The following XPR1 variants were observed in gnomAD, a reference collection of about 807,000 sequenced individuals.
XPR1 encodes the protein solute carrier family 53 member 1.
A neutral mutation model predicts 87.5 loss-of-function variants in XPR1; 28 were observed. That is an observed-to-expected ratio of 0.32 (90% CI 0.24 to 0.44). The LOEUF is 0.44. XPR1 is among the 20% of genes least tolerant of loss of function. The pLI, the probability that XPR1 is intolerant of heterozygous loss-of-function variation, is 1.00. For synonymous variants in XPR1, 300 were observed against 306.1 expected, an observed-to-expected ratio of 0.98 and a Z score of 0.21; for missense variants, 559 against 862.3, an observed-to-expected ratio of 0.65 and a Z score of 4.41.
chr1:180,727,234 C>T (rs954142211), intron 2 of XPR1, among the ~76,000 whole-genome samples: 23 of 152,076 alleles, frequency 1.5e-4, no homozygotes, highest in Non-Finnish European at 1.5e-5. Flanking sequence ...TATAGGATGC[C>T]TGAAGCGGTT....
At chr1:180,635,408 A>C (rs143062586) in intron 1 of XPR1, among the ~76,000 whole-genome samples, 4 of 152,366 alleles carry the variant, frequency 2.6e-5, no homozygotes, top group Admixed American at 6.5e-5. Flanking sequence ...GACTGGTTTC[A>C]ACCAAATAGA....
intron 7 of XPR1, among the ~76,000 whole-genome samples, chr1:180,815,411 T>TA (rs754411526): frequency 1.3e-5 from 2 of 152,166 alleles, no homozygotes; most frequent in Admixed American, 6.6e-5. Flanking sequence ...TAAATATAGT[T>TA]AAAGCCAGCT....
chr1:180,637,519 G>T (rs1189257848), intron 1 of XPR1, among the ~76,000 whole-genome samples: 1 of 152,116 alleles, frequency 6.6e-6, no homozygotes, highest in African/African-American at 2.4e-5. Flanking sequence ...GACTTGACAA[G>T]AAGTTCGCCA....
At chr1:180,805,923 T>A (rs1649971485) in intron 4 of XPR1, 139 bp from the exon 5 acceptor site, 1 of 840,058 alleles carries the variant, frequency 1.2e-6, no homozygotes, top group Admixed American at 3.0e-5. Context: ...TAGTAGTAGA[T>A]GCTTTTATGA....
rs768244303 is a variant in XPR1, at chr1:180,880,265, C to T, written c.1998C>T (p.Ser666=). The T allele has an allele frequency of 3.7e-6, 6 of 1,614,066 alleles. No individual in the cohort carries two copies. In the Admixed American group the frequency reaches 5.0e-5, roughly 13 times the overall value. The stretch of plus-strand genomic sequence containing the variant: ...ATCGGTCATGGAAGTACAACCAGAG[C>T]ATATCCCTGCGCCGGCCTCGCCTCG... ...QKNRSWKYNQ[S]ISLRRPRLAS... Residue 666 remains serine (S), a synonymous_variant, in exon 14 of 15, where the codon AGC becomes AGT. Coordinates refer to ENST00000367590, the MANE Select transcript of XPR1 (RefSeq NM_004736.4).
chr1:180,787,742 C>A lies in XPR1; in HGVS notation c.122-11C>A, dbSNP rs761549728. 19 of 1,547,206 alleles carry A rather than the reference C, an allele frequency of 1.2e-5. No individual in the cohort carries two copies. The South Asian group carries it at 1.7e-4, about 14-fold the overall frequency. ...GACATTAAATTTAAATATTGTTTTC[C>A]TGTCTTTCAGTTACAGATGAGGACA... On this transcript the variant is annotated splice_polypyrimidine_tract_variant and intron_variant, in intron 2 of 14. Coordinates refer to ENST00000367590, the MANE Select transcript of XPR1 (RefSeq NM_004736.4).
At chr1:180,819,265 A>G (rs1485445932) in intron 7 of XPR1, among the ~76,000 whole-genome samples, 6 of 152,204 alleles carry the variant, frequency 3.9e-5, no homozygotes, top group African/African-American at 1.2e-4. Flanking sequence ...TTTTTGAACC[A>G]TTTTGAAAGT....
intron 11 of XPR1, among the ~76,000 whole-genome samples, chr1:180,860,689 G>A (rs1652189736): frequency 1.3e-5 from 2 of 151,924 alleles, no homozygotes; most frequent in African/African-American, 2.4e-5. Context: ...GTGGTTGTCC[G>A]TGGGGCTACA....
intron 1 of XPR1, among the ~76,000 whole-genome samples, chr1:180,673,049 T>A (rs1380060455): frequency 6.6e-6 from 1 of 152,154 alleles, no homozygotes; most frequent in Non-Finnish European, 1.5e-5. Flanking sequence ...ACAGTAGACA[T>A]TTTGTTGATG....
In XPR1 at chr1:180,753,146, T is replaced by G. The variant is rs1300317080; in HGVS notation, c.122-34607T>G. On this transcript the variant is annotated intron_variant, in intron 2 of 14. Coordinates refer to ENST00000367590, the MANE Select transcript of XPR1 (RefSeq NM_004736.4). ...ACTTTGCTTACTACAAAATGATAAT[T>G]GCAGTACTCACATTTCAAGATTGTT... Among the ~76,000 whole-genome samples the G allele has an allele frequency of 2.0e-5, 3 of 152,208 alleles. No individual in the cohort carries two copies. In the East Asian group the frequency reaches 5.8e-4, roughly 29 times the overall value.
chr1:180,669,081 C>T (rs1656064449), intron 1 of XPR1, among the ~76,000 whole-genome samples: 1 of 145,430 alleles, frequency 6.9e-6, no homozygotes, highest in African/African-American at 2.6e-5. Context: ...AAGAGCGAAA[C>T]TCTGTCTAAA....
At chr1:180,661,475 TCGTGTGTGTG>T (rs1655774503) in intron 1 of XPR1, among the ~76,000 whole-genome samples, 1 of 108,008 alleles carries the variant, frequency 9.3e-6, no homozygotes, top group Admixed American at 1.1e-4. Context: ...TTTTAATTTT[TCGTGTGTGTG>T]TGTGTGTGTG....
Position 180,751,476 on chromosome 1 carries a change from CA to C in XPR1, c.122-36276del, listed in dbSNP as rs1446705032. 1.1e-4 allele frequency among the ~76,000 whole-genome samples: 17 copies of C among 152,082 alleles called. No homozygotes were observed. In the East Asian group the frequency reaches 3.3e-3, roughly 29 times the overall value. On this transcript the variant is annotated intron_variant, in intron 2 of 14. Coordinates refer to ENST00000367590, the MANE Select transcript of XPR1 (RefSeq NM_004736.4). ...AGAAAATATGGGTTTCTGATTTTTA[CA>C]GAAAATTGAAGTCTCTTTCAAGCTT...
At chr1:180,717,188 T>C (rs1482036843) in intron 2 of XPR1, among the ~76,000 whole-genome samples, 1 of 152,188 alleles carries the variant, frequency 6.6e-6, no homozygotes, top group Non-Finnish European at 1.5e-5. Flanking sequence ...AGAAGGTGTT[T>C]CACCATGTTG....
chr1:180,688,650 A>T (rs1290181148), intron 2 of XPR1, among the ~76,000 whole-genome samples: 2 of 152,154 alleles, frequency 1.3e-5, no homozygotes, highest in African/African-American at 4.8e-5. Flanking sequence ...CTGAGGCAAG[A>T]TAATTTTTTA....
chr1:180,684,455 T>C (rs1161814487), intron 2 of XPR1, among the ~76,000 whole-genome samples: 2 of 152,180 alleles, frequency 1.3e-5, no homozygotes, highest in Admixed American at 1.3e-4. Flanking sequence ...GGCTTAGGAT[T>C]GACTTGGCGA....
At chr1:180,773,401 G>A (rs566537718) in intron 2 of XPR1, among the ~76,000 whole-genome samples, 207 of 152,312 alleles carry the variant, frequency 1.4e-3, no homozygotes, top group African/African-American at 4.8e-3. Context: ...ACTGACTCTT[G>A]TAAGACTTTA....
At chr1:180,787,894 G>A (rs1162895793) in intron 3 of XPR1, 40 bp downstream of exon 3, 2 of 1,412,906 alleles carry the variant, frequency 1.4e-6, no homozygotes, top group Admixed American at 3.7e-5. Context: ...TGCCGGGGAA[G>A]GATAAATTGT....
At chr1:180,782,890 C>G (rs1026038684) in intron 2 of XPR1, among the ~76,000 whole-genome samples, 76 of 151,988 alleles carry the variant, frequency 5.0e-4, no homozygotes, top group African/African-American at 1.7e-3. Flanking sequence ...CACCTAGGCT[C>G]TTTGTACCTC....
Sources: gnomAD v4.1 joint callset for allele counts (sites outside exome capture counted in the v4.1 genomes callset) on GRCh38, gnomAD v4.1.1 for gene constraint, MANE v1.5 for transcripts, NCBI Gene and HGNC (gene_info 2026-07-23, HGNC 2026-07-21) for gene names.